WNT3A: variants seen among roughly 807,000 people sequenced by gnomAD.
The protein encoded by WNT3A is Wnt family member 3A.
In WNT3A, 17 loss-of-function variants were observed where a neutral mutation model predicts 37.0. The ratio of observed to expected loss-of-function variants is 0.46; its 90% CI spans 0.31 to 0.69. The LOEUF (loss-of-function observed/expected upper bound fraction) is 0.69, where lower values mean the gene tolerates loss of function less well. Among genes scored for constraint, WNT3A ranks in the 30% least tolerant of loss-of-function variants. The probability of loss-of-function intolerance (pLI) is 0.05; values close to 1 mark genes in which losing one functional copy is unlikely to be tolerated. For synonymous variants in WNT3A, 187 were observed against 211.0 expected, an observed-to-expected ratio of 0.89 and a Z score of 0.99; for missense variants, 411 against 510.2, an observed-to-expected ratio of 0.81 and a Z score of 1.87.
At position 228,037,999 on chromosome 1, in the gene WNT3A, G is replaced by T. The variant is rs2031185113; in HGVS notation, c.314-12657G>T. Among the ~76,000 whole-genome samples the T allele has an allele frequency of 6.6e-6, 1 of 152,194 alleles. No individual in the cohort carries two copies. The highest frequency in any genetic ancestry group is 1.5e-5 in the Non-Finnish European group (1 of 68,022). Reference sequence around the variant, plus strand: ...CATATAAAATATCGCCGGCCATTGTGGGCCTAACTCGGCGTGACAGTGGCG... The same window carrying T: ...CATATAAAATATCGCCGGCCATTGTTGGCCTAACTCGGCGTGACAGTGGCG... On this transcript the variant is annotated intron_variant, in intron 2 of 3. Transcript: ENST00000284523. This position sits in a 1 kb window ranked among gnomAD's most constrained non-coding sequence, Gnocchi z 4.1.
chr1:228,021,078 C>T (rs527802258), intron 1 of WNT3A, among the ~76,000 whole-genome samples: 1 of 152,290 alleles, frequency 6.6e-6, no homozygotes, highest in South Asian at 2.1e-4. Context: ...AAGTGCATGG[C>T]TCAATTCGTT....
chr1:228,050,522 G>A lies in WNT3A; in HGVS notation c.314-134G>A, dbSNP rs1056457449. ...GCCTGTAGATCCGTGAACCAAGTAA[G>A]CCTCTTTGCCTTATACACCACCCAA... is the stretch of plus-strand genomic sequence containing the variant. On this transcript the variant is annotated intron_variant, in intron 2 of 3. Transcript: ENST00000284523. This position sits in a 1 kb window ranked among gnomAD's most constrained non-coding sequence, Gnocchi z 5.0. 8 of 1,106,772 alleles carry A rather than the reference G, an allele frequency of 7.2e-6. No individual in the cohort carries two copies. In the African/African-American group the frequency reaches 7.9e-5, roughly 11 times the overall value. The allele number at this position is 1,106,772 out of a possible 1,614,324, so 68.6% of individuals were successfully genotyped here.
chr1:228,057,937 T>G (rs1484282768), intron 3 of WNT3A, among the ~76,000 whole-genome samples: 1 of 152,126 alleles, frequency 6.6e-6, no homozygotes, highest in Non-Finnish European at 1.5e-5. Context: ...CCCTCCTGGC[T>G]CAAGCAATTC....
chr1:228,041,647 C>T (rs2031289150), intron 2 of WNT3A, among the ~76,000 whole-genome samples: 1 of 152,156 alleles, frequency 6.6e-6, no homozygotes, highest in Non-Finnish European at 1.5e-5. Context: ...TCATCACCCT[C>T]CCATCCCAGG....
chr1:228,028,292 A>ATTT (rs56294253), intron 2 of WNT3A, among the ~76,000 whole-genome samples: 4 of 120,220 alleles, frequency 3.3e-5, no homozygotes, highest in Admixed American at 8.7e-5. Flanking sequence ...GTTACATATA[A>ATTT]TTTTTTTTTT....
chr1:228,036,389 G>A (rs2031144981), intron 2 of WNT3A, among the ~76,000 whole-genome samples: 1 of 152,200 alleles, frequency 6.6e-6, no homozygotes, highest in South Asian at 2.1e-4. Context: ...GTGTGTGTGT[G>A]TGTGTGCATG....
rs2030243293 is a variant in WNT3A at position 228,007,749 on chromosome 1, G to C, written c.71+550G>C. 6.6e-6 allele frequency among the ~76,000 whole-genome samples: 1 copy of C among 152,026 alleles called. No homozygotes were observed. The highest frequency in any genetic ancestry group is 6.5e-5 in the Admixed American group (1 of 15,278). On this transcript the variant is annotated intron_variant, in intron 1 of 3. Coordinates refer to ENST00000284523, the MANE Select transcript of WNT3A (RefSeq NM_033131.4). The surrounding 1 kb of genome is among the most constrained non-coding windows in gnomAD (Gnocchi z 6.0). ...CGCAGAGCCGGCGGCGGGGCGCACT[G>C]GGGGCCGGCCCTGGGCCCCGCGCGC... is the stretch of plus-strand genomic sequence containing the variant.
rs779887551 is a variant in WNT3A at position 228,059,401 on chromosome 1, A to G, written c.995A>G (p.His332Arg). 9.6e-6 allele frequency: 15 copies of G among 1,560,752 alleles called. No homozygotes were observed. The African/African-American group carries it at 1.4e-4, about 14-fold the overall frequency. The change falls in exon 4 of 4, where the codon CAC becomes CGC. Residue 332 changes from histidine to arginine, a missense_variant. His to Arg is a conservative substitution (Grantham distance 29, BLOSUM62 0). Transcript: ENST00000284523. ...RRREKCRCVF[H>R]WCCYVSCQEC... Reference sequence around the variant, plus strand: ...CGGGAGAAGTGCCGCTGCGTGTTCCACTGGTGCTGCTACGTCAGCTGCCAG... The same window carrying G: ...CGGGAGAAGTGCCGCTGCGTGTTCCGCTGGTGCTGCTACGTCAGCTGCCAG...
At position 228,059,381 on chromosome 1, in the gene WNT3A, G is replaced by A. The variant is rs1476266555; in HGVS notation, c.975G>A (p.Glu325=). Residue 325 remains glutamate, a synonymous_variant, in exon 4 of 4, where the codon GAG becomes GAA. Transcript: ENST00000284523. ...GHNARAERRR[E]KCRCVFHWCC... ...ACGCGCGAGCGGAGCGGCGCCGGGAGAAGTGCCGCTGCGTGTTCCACTGGT... is the reference window on the plus strand; with the variant it reads ...ACGCGCGAGCGGAGCGGCGCCGGGAAAAGTGCCGCTGCGTGTTCCACTGGT... 6.4e-7 allele frequency: 1 copy of A among 1,562,198 alleles called. No homozygotes were observed. Among genetic ancestry groups the A allele is most frequent in the Admixed American group, 1.9e-5 (1 of 54,052 alleles).
chr1:228,020,531 G>C (rs555488767), intron 1 of WNT3A, among the ~76,000 whole-genome samples: 1 of 152,180 alleles, frequency 6.6e-6, no homozygotes, highest in Admixed American at 6.5e-5. Context: ...TCCAGTTGCC[G>C]GGACTCAAAG....
rs540178667 is a variant in WNT3A at position 228,039,963 on chromosome 1, C to T, written c.314-10693C>T. Among the ~76,000 whole-genome samples, 7 of 152,336 alleles carry T rather than the reference C, an allele frequency of 4.6e-5. No homozygotes were observed. Among genetic ancestry groups the T allele is most frequent in the Admixed American group, 1.3e-4 (2 of 15,308 alleles). The stretch of plus-strand genomic sequence containing the variant: ...CACTCAGGAGTCCCCTCTGGACCAA[C>T]AGGCATGTCCCAGGAGCCCAGGAGT... On this transcript the variant is annotated intron_variant, in intron 2 of 3. Transcript: ENST00000284523. This position sits in a 1 kb window ranked among gnomAD's most constrained non-coding sequence, Gnocchi z 4.1.
rs2031309231 is a variant in WNT3A at position 228,042,627 on chromosome 1, G to A, written c.314-8029G>A. Among the ~76,000 whole-genome samples, 3 of 152,180 alleles carry A rather than the reference G, an allele frequency of 2.0e-5. No homozygotes were observed. The South Asian group carries it at 6.2e-4, about 32-fold the overall frequency. ...GATGCATGATGAATGGATAATGGGTGAATGGATGGATGAGTGGTGGTAGAT... is the reference window on the plus strand; with the variant it reads ...GATGCATGATGAATGGATAATGGGTAAATGGATGGATGAGTGGTGGTAGAT... On this transcript the variant is annotated intron_variant, in intron 2 of 3. Transcript: ENST00000284523. This position sits in a 1 kb window ranked among gnomAD's most constrained non-coding sequence, Gnocchi z 5.2.
chr1:228,029,484 A>G (rs1228791211), intron 2 of WNT3A, among the ~76,000 whole-genome samples: 1 of 152,286 alleles, frequency 6.6e-6, no homozygotes, highest in East Asian at 1.9e-4. Context: ...TGCCGAAGGA[A>G]GGCTACTCAG....
chr1:228,039,367 C>T lies in WNT3A; in HGVS notation c.314-11289C>T, dbSNP rs955823415. On this transcript the variant is annotated intron_variant, in intron 2 of 3. Coordinates refer to ENST00000284523, the MANE Select transcript of WNT3A (RefSeq NM_033131.4). The surrounding 1 kb of genome is among the most constrained non-coding windows in gnomAD (Gnocchi z 4.1). ...GCAGCCAGGGCCCTGAATCCCAGAG[C>T]CTGTGACCAAGGTACCCACCTCCAG... 2.6e-5 allele frequency among the ~76,000 whole-genome samples: 4 copies of T among 152,172 alleles called. No homozygotes were observed. The highest frequency in any genetic ancestry group is 9.7e-5 in the African/African-American group (4 of 41,436).
At chr1:228,051,167 G>T (rs1262504576) in intron 3 of WNT3A, among the ~76,000 whole-genome samples, 3 of 152,214 alleles carry the variant, frequency 2.0e-5, no homozygotes, top group Admixed American at 1.3e-4. Context: ...TGAGGCAAAG[G>T]CCTGGTCAAC....
At chr1:228,020,642 G>A (rs1453825908) in intron 1 of WNT3A, among the ~76,000 whole-genome samples, 2 of 152,252 alleles carry the variant, frequency 1.3e-5, no homozygotes, top group African/African-American at 4.8e-5. Context: ...GAAGTGCTGG[G>A]ATCTACAAAA....
intron 1 of WNT3A, among the ~76,000 whole-genome samples, chr1:228,017,176 G>A (rs1187455840): frequency 6.6e-6 from 1 of 152,202 alleles, no homozygotes; most frequent in Non-Finnish European, 1.5e-5. Context: ...AGGTCCCAGT[G>A]CCACCTATCC....
At chr1:228,017,263 A>G (rs115910604) in intron 1 of WNT3A, among the ~76,000 whole-genome samples, 2,255 of 152,230 alleles carry the variant, frequency 0.015, 23 homozygotes, top group Non-Finnish European at 0.024. Flanking sequence ...CAGCAGGTGG[A>G]GGCCAGGTAA....
In WNT3A at chr1:228,031,750, T is replaced by C. The variant is rs2031017278; in HGVS notation, c.313+8842T>C. Reference sequence around the variant, plus strand: ...TGCCTATGTGTGCATGTGATGCAGTTGCTGCCCGCTAGGGTTCCTGGGCTG... The same window carrying C: ...TGCCTATGTGTGCATGTGATGCAGTCGCTGCCCGCTAGGGTTCCTGGGCTG... On this transcript the variant is annotated intron_variant, in intron 2 of 3. Transcript: ENST00000284523. This position sits in a 1 kb window ranked among gnomAD's most constrained non-coding sequence, Gnocchi z 4.8. 1.3e-5 allele frequency among the ~76,000 whole-genome samples: 2 copies of C among 152,172 alleles called. No individual in the cohort carries two copies. The highest frequency in any genetic ancestry group is 2.9e-5 in the Non-Finnish European group (2 of 68,036).
Sources: gnomAD v4.1 joint callset for allele counts (sites outside exome capture counted in the v4.1 genomes callset) on GRCh38, gnomAD v4.1.1 for gene constraint, Gnocchi (gnomAD v3.1) non-coding constraint, MANE v1.5 for transcripts, NCBI Gene and HGNC (gene_info 2026-07-23, HGNC 2026-07-21) for gene names.